The following NKAIN2 variants were observed in gnomAD, a reference collection of about 807,000 sequenced individuals.
The protein encoded by NKAIN2 is sodium/potassium transporting ATPase interacting 2.
A neutral mutation model predicts 32.6 loss-of-function variants in NKAIN2; 14 were observed. The ratio of observed to expected loss-of-function variants is 0.43; its 90% CI spans 0.28 to 0.67. The LOEUF is 0.67. Ranked by LOEUF, NKAIN2 falls within the 30% of genes least tolerant of loss-of-function variation. NKAIN2 has a pLI of 0.17. For missense variants in NKAIN2, 198 were observed against 258.3 expected, an observed-to-expected ratio of 0.77 and a Z score of 1.60; for synonymous variants, 80 against 87.2, an observed-to-expected ratio of 0.92 and a Z score of 0.46.
intron 1 of NKAIN2, among the ~76,000 whole-genome samples, chr6:124,270,170 G>T (rs573137774): frequency 1.2e-4 from 18 of 152,260 alleles, no homozygotes; most frequent in Admixed American, 1.2e-3. Context: ...TATAGTACTT[G>T]CTTGACAGGA....
At chr6:124,801,959 G>A (rs975383946) in intron 5 of NKAIN2, among the ~76,000 whole-genome samples, 2 of 152,132 alleles carry the variant, frequency 1.3e-5, no homozygotes, top group East Asian at 1.9e-4. Flanking sequence ...TAATGAACTC[G>A]ATATAGGAAA....
chr6:124,144,489 C>T (rs1358706268), intron 1 of NKAIN2, among the ~76,000 whole-genome samples: 2 of 152,058 alleles, frequency 1.3e-5, no homozygotes, highest in African/African-American at 2.4e-5. Flanking sequence ...GATAAATATT[C>T]TCTACTAGTT....
intron 3 of NKAIN2, among the ~76,000 whole-genome samples, chr6:124,616,805 T>C (rs1276934118): frequency 1.3e-5 from 2 of 152,114 alleles, no homozygotes; most frequent in South Asian, 2.1e-4. Context: ...TTGAAATTTA[T>C]TGAAGCCCCT....
chr6:124,129,909 C>G (rs1349332985), intron 1 of NKAIN2, among the ~76,000 whole-genome samples: 1 of 152,160 alleles, frequency 6.6e-6, no homozygotes, highest in Non-Finnish European at 1.5e-5. Context: ...TGAGCCACCC[C>G]ACCTGGCACT....
intron 1 of NKAIN2, among the ~76,000 whole-genome samples, chr6:124,280,060 G>A (rs1461671807): frequency 6.6e-6 from 1 of 152,106 alleles, no homozygotes; most frequent in Non-Finnish European, 1.5e-5. Context: ...TGAAAGGGAT[G>A]TACACCATAA....
intron 1 of NKAIN2, among the ~76,000 whole-genome samples, chr6:124,255,047 C>G (rs1793864346): frequency 6.6e-6 from 1 of 152,174 alleles, no homozygotes; most frequent in African/African-American, 2.4e-5. Context: ...TAGAGTCCGG[C>G]TGTCTAAACA....
intron 3 of NKAIN2, among the ~76,000 whole-genome samples, chr6:124,618,430 A>G (rs1429546908): frequency 6.6e-6 from 1 of 152,202 alleles, no homozygotes; most frequent in African/African-American, 2.4e-5. Flanking sequence ...GTGAGCCAAG[A>G]TTGTGCCATT....
intron 1 of NKAIN2, among the ~76,000 whole-genome samples, chr6:124,074,073 A>C (rs547167024): frequency 6.6e-6 from 1 of 152,304 alleles, no homozygotes; most frequent in East Asian, 1.9e-4. Flanking sequence ...TAAAAGGTTC[A>C]TGGGGCAAAG....
chr6:123,913,422 T>G (rs996044041), intron 1 of NKAIN2, among the ~76,000 whole-genome samples: 1 of 152,192 alleles, frequency 6.6e-6, no homozygotes, highest in Non-Finnish European at 1.5e-5. Flanking sequence ...CATCTTCTCC[T>G]TATCATGCTG....
chr6:123,880,780 C>G (rs1032274683), intron 1 of NKAIN2, among the ~76,000 whole-genome samples: 1 of 151,896 alleles, frequency 6.6e-6, no homozygotes, highest in Admixed American at 6.6e-5. Flanking sequence ...GTTTTCAGAC[C>G]GTATAACCAT....
At chr6:124,011,053 TTC>T (rs1330294385) in intron 1 of NKAIN2, among the ~76,000 whole-genome samples, 1 of 152,192 alleles carries the variant, frequency 6.6e-6, no homozygotes, top group Non-Finnish European at 1.5e-5. Flanking sequence ...TTTGACCAGA[TTC>T]TGCTCATAAG....
At chr6:124,269,074 T>G (rs992191626) in intron 1 of NKAIN2, among the ~76,000 whole-genome samples, 3 of 152,184 alleles carry the variant, frequency 2.0e-5, no homozygotes, top group South Asian at 2.1e-4. Flanking sequence ...TGCTTTGAAT[T>G]TTCATGTTTA....
intron 4 of NKAIN2, among the ~76,000 whole-genome samples, chr6:124,738,974 T>A (rs1777076516): frequency 6.6e-6 from 1 of 151,936 alleles, no homozygotes; most frequent in Non-Finnish European, 1.5e-5. Context: ...GCTTTTTAAC[T>A]CTAATTCTGC....
chr6:124,272,459 T>A (rs554832615), intron 1 of NKAIN2, among the ~76,000 whole-genome samples: 1 of 152,036 alleles, frequency 6.6e-6, no homozygotes, highest in Admixed American at 6.5e-5. Context: ...AAGATAAGAG[T>A]TGAGCTTTGA....
intron 1 of NKAIN2, among the ~76,000 whole-genome samples, chr6:124,053,127 G>A (rs1782487507): frequency 6.6e-6 from 1 of 151,898 alleles, no homozygotes; most frequent in Non-Finnish European, 1.5e-5. Context: ...AGGGGTCAAT[G>A]TGCAGGATTG....
chr6:124,179,574 G>A (rs1789333244), intron 1 of NKAIN2, among the ~76,000 whole-genome samples: 1 of 152,152 alleles, frequency 6.6e-6, no homozygotes, highest in Non-Finnish European at 1.5e-5. Context: ...GAAAAGGAGG[G>A]GAGAGGAAGC....
intron 4 of NKAIN2, among the ~76,000 whole-genome samples, chr6:124,753,634 A>G (rs1354254930): frequency 6.6e-6 from 1 of 152,056 alleles, no homozygotes. Flanking sequence ...AATAAAAGTG[A>G]TTAGATGGCC....
At chr6:124,737,595 G>A (rs1777014503) in intron 4 of NKAIN2, among the ~76,000 whole-genome samples, 1 of 151,890 alleles carries the variant, frequency 6.6e-6, no homozygotes, top group Non-Finnish European at 1.5e-5. Context: ...GGAACAATTT[G>A]GAGGGCTCAG....
intron 3 of NKAIN2, among the ~76,000 whole-genome samples, chr6:124,492,190 T>C (rs1777890852): frequency 6.6e-6 from 1 of 151,930 alleles, no homozygotes; most frequent in Non-Finnish European, 1.5e-5. Flanking sequence ...ATGATATTTA[T>C]TTTTCTCTAA....
Sources: gnomAD v4.1 joint callset for allele counts (sites outside exome capture counted in the v4.1 genomes callset) on GRCh38, gnomAD v4.1.1 for gene constraint, MANE v1.5 for transcripts, NCBI Gene and HGNC (gene_info 2026-07-23, HGNC 2026-07-21) for gene names.